GPR143: variants seen among roughly 807,000 people sequenced by gnomAD.
The protein encoded by GPR143 is G protein-coupled receptor 143, also known as G-protein coupled receptor 143.
A neutral mutation model predicts 27.6 loss-of-function variants in GPR143; 8 were observed. The observed-to-expected ratio is 0.29, with a 90% confidence interval of 0.17 to 0.52. GPR143 has a LOEUF of 0.52. Ranked by LOEUF, GPR143 falls within the 20% of genes least tolerant of loss-of-function variation. The probability of loss-of-function intolerance (pLI) is 0.96; values close to 1 mark genes in which losing one functional copy is unlikely to be tolerated. For missense variants in GPR143, 303 were observed against 343.1 expected (o/e 0.88, Z 0.92); for synonymous variants, 156 against 153.2 (o/e 1.02, Z -0.13).
chrX:9,736,216 A>G lies in GPR143; in HGVS notation c.1120+3269T>C, dbSNP rs756937510. ...CCTAAAATTGTCCCCAAACAATACA[A>G]TGGTGATGAGAGCCAAAAGTCCGAT... On this transcript the variant is annotated intron_variant, in intron 8 of 8. Transcript: ENST00000467482. 8.4e-4 allele frequency among the ~76,000 whole-genome samples: 94 copies of G among 111,770 alleles called. 1 individual carries two copies. Among genetic ancestry groups the G allele is most frequent in the African/African-American group, 2.6e-3 (79 of 30,797 alleles).
At chrX:9,763,563 A>T (rs1341247124) in intron 1 of GPR143, among the ~76,000 whole-genome samples, 1 of 111,648 alleles carries the variant, frequency 9.0e-6, no homozygotes, top group Non-Finnish European at 1.9e-5. Context: ...AATGGGCAGG[A>T]TGATGGAGCC....
chrX:9,738,611 ATTTG>A (rs1294075230), intron 8 of GPR143: 2 of 492,215 alleles, frequency 4.1e-6, no homozygotes, highest in South Asian at 1.1e-4. Flanking sequence ...CCTTCAATGT[ATTTG>A]TTTGTTTTTG....
intron 8 of GPR143, among the ~76,000 whole-genome samples, chrX:9,734,577 T>C (rs943735999): frequency 3.6e-5 from 4 of 111,767 alleles, no homozygotes; most frequent in African/African-American, 1.3e-4. Context: ...ACCCCTCCAC[T>C]CCCAACAAGC....
intron 4 of GPR143, among the ~76,000 whole-genome samples, chrX:9,746,515 A>C (rs73472093): frequency 0.055 from 6,119 of 110,510 alleles, 440 homozygotes; most frequent in African/African-American, 0.19. Flanking sequence ...AGACAAAGGC[A>C]CTCCATTAAA....
chrX:9,742,844 C>T (rs1033609579), intron 6 of GPR143, among the ~76,000 whole-genome samples: 5 of 111,632 alleles, frequency 4.5e-5, no homozygotes, highest in Non-Finnish European at 3.8e-5. Flanking sequence ...TGGTGGCTCA[C>T]GCCTGTAATC....
At chrX:9,759,533 G>A in intron 2 of GPR143, 107 bp from the exon 3 acceptor site, 2 of 553,294 alleles carry the variant, frequency 3.6e-6, no homozygotes, top group Admixed American at 5.3e-5. Flanking sequence ...ACGTCAGGAA[G>A]CCGCACGTGA....
At chrX:9,766,622 A>C (rs1020924083), upstream of GPR143, among the ~76,000 whole-genome samples, 1 of 112,041 alleles carries the variant, frequency 8.9e-6, no homozygotes, top group Admixed American at 9.5e-5. Flanking sequence ...GCTACTCGGC[A>C]GGCTGAGGTG....
At chrX:9,747,009 TAAAAAAAAAA>T (rs56761188) in intron 4 of GPR143, among the ~76,000 whole-genome samples, 7 of 37,629 alleles carry the variant, frequency 1.9e-4, no homozygotes, top group Middle Eastern at 0.02. Flanking sequence ...GCAGAAAATG[TAAAAAAAAAA>T]AAAAAAAAAA....
intron 8 of GPR143, among the ~76,000 whole-genome samples, chrX:9,728,369 A>T (rs1340984695): frequency 9.4e-6 from 1 of 106,424 alleles, no homozygotes; most frequent in African/African-American, 3.5e-5. Context: ...AAAGAGATAC[A>T]TGCAGAGTTT....
chrX:9,753,402 C>G (rs1347660155), intron 3 of GPR143, among the ~76,000 whole-genome samples: 19 of 79,308 alleles, frequency 2.4e-4, no homozygotes, highest in African/African-American at 9.2e-4. Flanking sequence ...TTGAAAAAAA[C>G]AGAATCTGAA....
intron 8 of GPR143, among the ~76,000 whole-genome samples, chrX:9,738,970 C>T (rs923618082): frequency 1.4e-4 from 16 of 112,264 alleles, no homozygotes; most frequent in African/African-American, 4.2e-4. Flanking sequence ...GTTGGTCAAG[C>T]TCGTCTCTAA....
chrX:9,766,901 T>TCACACACA (rs1356803704), upstream of GPR143, among the ~76,000 whole-genome samples: 1 of 65,115 alleles, frequency 1.5e-5, no homozygotes, highest in Admixed American at 1.9e-4. Flanking sequence ...TATCTCTCTC[T>TCACACACA]CTCACACACA....
intron 8 of GPR143, among the ~76,000 whole-genome samples, chrX:9,734,107 T>G (rs1196698391): frequency 2.0e-5 from 2 of 100,021 alleles, no homozygotes; most frequent in Non-Finnish European, 4.0e-5. Context: ...AGAAGAAGAA[T>G]AAAATAGATT....
rs935004207 is a variant in GPR143, at chrX:9,739,394, G to A, written c.1120+91C>T. On this transcript the variant is annotated intron_variant, in intron 8 of 8. Transcript: ENST00000467482. ...GCTGCTGAACACCCCGCCATGCACA[G>A]GACAGCCCCCGGGACAAAGAATCCT... 8.2e-5 allele frequency: 51 copies of A among 619,658 alleles called. No individual in the cohort carries two copies. In the African/African-American group the frequency reaches 8.4e-4, roughly 10 times the overall value. The allele number at this position is 619,658 out of a possible 1,213,427, so 51.1% of individuals were successfully genotyped here. A position where few individuals can be genotyped will look rare whatever the true frequency, so the allele number is the denominator to read the frequency against.
At chrX:9,727,722 G>A (rs905641527) in intron 8 of GPR143, among the ~76,000 whole-genome samples, 3 of 112,655 alleles carry the variant, frequency 2.7e-5, no homozygotes, top group African/African-American at 9.7e-5. Context: ...TACACAGGTG[G>A]AAGACACAAC....
At chrX:9,748,227 A>G (rs1375585768) in intron 4 of GPR143, among the ~76,000 whole-genome samples, 2 of 112,775 alleles carry the variant, frequency 1.8e-5, no homozygotes, top group African/African-American at 6.4e-5. Flanking sequence ...CTTGAAGACC[A>G]AATACTTAAG....
intron 2 of GPR143, among the ~76,000 whole-genome samples, 163 bp from the exon 3 acceptor site, chrX:9,759,589 G>A (rs2083487562): frequency 9.0e-6 from 1 of 111,706 alleles, no homozygotes; most frequent in Non-Finnish European, 1.9e-5. Flanking sequence ...ACCAAGGAGG[G>A]TGTGGCCTGG....
chrX:9,770,160 CAAAAAAAAAAAAAAAAAAA>C (rs55901901), upstream of GPR143, among the ~76,000 whole-genome samples: 2 of 26,828 alleles, frequency 7.5e-5, no homozygotes, highest in South Asian at 0.015. Flanking sequence ...CTCCCCCAGT[CAAAAAAAAAAAAAAAAAAA>C]AAAAAAAAAA....
In GPR143 at chrX:9,725,421, A is replaced by G. The variant is rs1026355004; in HGVS notation, c.*325T>C. 2 of 229,974 alleles carry G rather than the reference A, an allele frequency of 8.7e-6. No homozygotes were observed. The highest frequency in any genetic ancestry group is 5.7e-5 in the African/African-American group (2 of 35,304). 19.0% of individuals were successfully genotyped at this position (229,974 alleles called of 1,213,427 possible). A position where few individuals can be genotyped will look rare whatever the true frequency, so the allele number is the denominator to read the frequency against. On this transcript the variant is annotated 3_prime_UTR_variant, in exon 9 of 9. Coordinates refer to ENST00000467482, the MANE Select transcript of GPR143 (RefSeq NM_000273.3). ...CAAGTCAGGCTGAGAGCTCAGTCATAACTATTTTATTTAACTACTTCCCCA... is the reference window on the plus strand; with the variant it reads ...CAAGTCAGGCTGAGAGCTCAGTCATGACTATTTTATTTAACTACTTCCCCA...
Sources: gnomAD v4.1 joint callset for allele counts (sites outside exome capture counted in the v4.1 genomes callset) on GRCh38, gnomAD v4.1.1 for gene constraint, MANE v1.5 for transcripts, NCBI Gene and HGNC (gene_info 2026-07-23, HGNC 2026-07-21) for gene names.